Variants in AKR1B15 observed in about 807,000 individuals in gnomAD.
AKR1B15 encodes estradiol 17-beta-dehydrogenase AKR1B15.
AKR1B15 carries 49 observed loss-of-function variants against 38.5 expected under a neutral mutation model. The ratio of observed to expected loss-of-function variants is 1.27; its 90% confidence interval spans 1.01 to 1.62. The LOEUF is 1.62. AKR1B15 is among the 40% of genes most tolerant of loss of function. The probability of loss-of-function intolerance (pLI) is 0.00; values close to 1 mark genes in which losing one functional copy is unlikely to be tolerated. For missense variants in AKR1B15, 411 were observed against 381.6 expected (o/e 1.08, Z -0.64); for synonymous variants, 137 against 135.5 (o/e 1.01, Z -0.08).
At position 134,569,527 on chromosome 7, in the gene AKR1B15, A is replaced by G; in HGVS notation, c.433A>G (p.Lys145Glu). The change falls in exon 5 of 12, where the codon AAG (lysine) becomes GAG (glutamate). Residue 145 changes from lysine (K) to glutamate (E), a missense_variant and splice_region_variant. By Grantham distance (56) the Lys-to-Glu change is moderately conservative. This residue lies in a region of AKR1B15 where 254 missense variants were observed against 212.4 expected (regional missense o/e 1.20). Transcript: ENST00000457545. ...TCTTATTCACTGGCCACAGGGATTC[A>G]AGGTTTGAGTGACTCCCTTTCTCAG... is the stretch of plus-strand genomic sequence containing the variant. ...VYLIHWPQGF[K>E]TGDDFFPKDD... is the part of the protein sequence containing the mutation. The G allele has an allele frequency of 4.3e-6, 7 of 1,613,986 alleles. No individual in the cohort carries two copies. Among genetic ancestry groups the G allele is most frequent in the Non-Finnish European group, 5.9e-6 (7 of 1,179,892 alleles).
In AKR1B15 at chr7:134,565,128, A is replaced by G. The variant is rs532953680; in HGVS notation, c.150+359A>G. 166 of 319,358 alleles carry G rather than the reference A, an allele frequency of 5.2e-4. 3 individuals carry two copies. The South Asian group carries it at 8.4e-3, about 16-fold the overall frequency. The allele number at this position is 319,358 out of a possible 1,614,324, so 19.8% of individuals were successfully genotyped here. On this transcript the variant is annotated intron_variant, in intron 3 of 11. Transcript: ENST00000457545. ...AGCAGCAGCAGGGAACCGCTCAGAT[A>G]CCCTTCCACACCGTGGAAACTTTGT...
chr7:134,565,637 C>T (rs760519507), intron 3 of AKR1B15: 70 of 1,560,916 alleles, frequency 4.5e-5, no homozygotes, highest in Non-Finnish European at 5.5e-5. Flanking sequence ...GCCTGGAGGT[C>T]GGGTAGGGGT....
At chr7:134,565,169 GA>G in intron 3 of AKR1B15, 2 of 350,990 alleles carry the variant, frequency 5.7e-6, no homozygotes, top group Non-Finnish European at 1.1e-5. Flanking sequence ...CCCTCTTGAC[GA>G]AAAATCTTGC....
rs747009279 is a variant in AKR1B15 at position 134,564,756 on chromosome 7, G to C, written c.137G>C (p.Arg46Pro). Residue 46 changes from arginine to proline, a missense_variant, in exon 3 of 12, where the codon CGC becomes CCC. By Grantham distance (103) the Arg-to-Pro change is moderately radical (BLOSUM62 -2). Coordinates refer to ENST00000457545, the MANE Select transcript of AKR1B15 (RefSeq NM_001080538.3). ...ACTACAAGTGCAGGGCCCCTTCTTC[G>C]CCCCTATCCAGCAGTAAGTGGCTAG... is the stretch of plus-strand genomic sequence containing the variant. ...KDTTSAGPLL[R>P]PYPASLLGKV... 3.5e-5 allele frequency: 24 copies of C among 681,628 alleles called. 2 individuals are homozygous for C. In the Middle Eastern group the frequency reaches 1.1e-3, roughly 31 times the overall value. The allele number at this position is 681,628 out of a possible 1,614,324, so 42.2% of individuals were successfully genotyped here. A position where few individuals can be genotyped will look rare whatever the true frequency, so the allele number is the denominator to read the frequency against.
At chr7:134,562,202 G>T (rs556472833) in intron 2 of AKR1B15, among the ~76,000 whole-genome samples, 3 of 152,176 alleles carry the variant, frequency 2.0e-5, no homozygotes, top group Non-Finnish European at 4.4e-5. Flanking sequence ...TGGAGCAGCG[G>T]ACCTTCACAG....
Position 134,568,184 on chromosome 7 carries a change from G to T in AKR1B15, c.177G>T (p.Ala59=), listed in dbSNP as rs185318158. 15 of 1,613,942 alleles carry T rather than the reference G, an allele frequency of 9.3e-6. No homozygotes were observed. The highest frequency in any genetic ancestry group is 1.3e-5 in the Non-Finnish European group (15 of 1,179,986). Residue 59 remains alanine (A), a synonymous_variant, in exon 4 of 12, where the codon GCG becomes GCT. Coordinates refer to ENST00000457545, the MANE Select transcript of AKR1B15 (RefSeq NM_001080538.3). The stretch of plus-strand genomic sequence containing the variant: ...CTCTTCTCGGCAAAGTGAAAGAAGC[G>T]GTGAAGGTGGCCATTGATGCAGAAT... The part of the protein sequence containing the change: ...PASLLGKVKE[A]VKVAIDAEYR...
At chr7:134,575,580 T>C (rs1794751385) in intron 7 of AKR1B15, 38 bp downstream of exon 7, 18 of 1,611,412 alleles carry the variant, frequency 1.1e-5, no homozygotes, top group Non-Finnish European at 1.4e-5. Context: ...GGTCCTGCCC[T>C]ATTACTTCTT....
intron 3 of AKR1B15, chr7:134,565,202 A>C (rs1412954464): frequency 2.4e-6 from 1 of 424,722 alleles, no homozygotes; most frequent in African/African-American, 2.0e-5. Context: ...CTTTGGGTCC[A>C]CACCACCTTT....
chr7:134,557,799 A>C (rs929363140), intron 2 of AKR1B15, among the ~76,000 whole-genome samples: 4 of 152,112 alleles, frequency 2.6e-5, no homozygotes, highest in Non-Finnish European at 4.4e-5. Flanking sequence ...GGCTGAGAGA[A>C]TTTTGAGCTC....
intron 3 of AKR1B15, among the ~76,000 whole-genome samples, chr7:134,567,897 C>T (rs981380744): frequency 2.6e-5 from 4 of 152,124 alleles, no homozygotes; most frequent in African/African-American, 9.7e-5. Flanking sequence ...CTTTTCTAAA[C>T]TGTGTATCCT....
At position 134,555,015 on chromosome 7, in the gene AKR1B15, AG is replaced by A. The variant is rs373201515; in HGVS notation, c.-146-1720del. Among the ~76,000 whole-genome samples the A allele has an allele frequency of 8.3e-3, 1,270 of 152,352 alleles. 6 individuals carry two copies. The highest frequency in any genetic ancestry group is 0.017 in the Middle Eastern group (5 of 294). On this transcript the variant is annotated intron_variant, in intron 1 of 11. Transcript: ENST00000457545. ...CTAGAAACCAGTGAAAACTAGGTAAAGCTCCTTCCTTTAGCCCTTCTTAGAG... is the reference window on the plus strand; with the variant it reads ...CTAGAAACCAGTGAAAACTAGGTAAACTCCTTCCTTTAGCCCTTCTTAGAG...
At chr7:134,561,212 G>GTATT (rs969326598) in intron 2 of AKR1B15, among the ~76,000 whole-genome samples, 2 of 152,202 alleles carry the variant, frequency 1.3e-5, no homozygotes, top group African/African-American at 2.4e-5. Flanking sequence ...AGGCATGCAT[G>GTATT]TATTTATTTA....
intron 6 of AKR1B15, among the ~76,000 whole-genome samples, chr7:134,572,989 G>GT (rs924435182): frequency 2.9e-4 from 44 of 152,276 alleles, no homozygotes; most frequent in African/African-American, 9.4e-4. Flanking sequence ...ATTAAATGTA[G>GT]TTTTTTCTGT....
intron 3 of AKR1B15, among the ~76,000 whole-genome samples, chr7:134,566,181 C>T (rs1794530084): frequency 6.6e-6 from 1 of 152,142 alleles, no homozygotes; most frequent in African/African-American, 2.4e-5. Context: ...GTAGTCCCAG[C>T]CACTTGGGAG....
At chr7:134,552,293 G>A (rs774819014) in intron 1 of AKR1B15, among the ~76,000 whole-genome samples, 4 of 152,048 alleles carry the variant, frequency 2.6e-5, no homozygotes, top group African/African-American at 7.2e-5. Flanking sequence ...ACCACCCTTC[G>A]GTCAGAGGAA....
intron 2 of AKR1B15, among the ~76,000 whole-genome samples, chr7:134,562,838 CTTTCTTTCTTTCTTTCTT>C (rs1794439270): frequency 4.2e-5 from 2 of 47,512 alleles, no homozygotes; most frequent in African/African-American, 2.0e-4. Flanking sequence ...CTTTCTCTTT[CTTTCTTTCTTTCTTTCTT>C]TCTTTCTTTC....
intron 11 of AKR1B15, among the ~76,000 whole-genome samples, chr7:134,578,767 C>T (rs1403597570): frequency 6.6e-6 from 1 of 152,206 alleles, no homozygotes; most frequent in Non-Finnish European, 1.5e-5. Context: ...CTATCCTGCC[C>T]ACCCTCAGTA....
At chr7:134,554,101 G>A (rs983819639) in intron 1 of AKR1B15, among the ~76,000 whole-genome samples, 6 of 152,212 alleles carry the variant, frequency 3.9e-5, no homozygotes, top group Non-Finnish European at 7.3e-5. Context: ...ACCTCAGCAG[G>A]AAAGAGTGTC....
chr7:134,576,996 A>G lies in AKR1B15; in HGVS notation c.859A>G (p.Thr287Ala), dbSNP rs1794779539. The G allele has an allele frequency of 1.2e-6, 2 of 1,613,872 alleles. No homozygotes were observed. Among genetic ancestry groups the G allele is most frequent in the Admixed American group, 1.7e-5 (1 of 60,004 alleles). ...LIRFHIQRNV[T>A]VIPKSMTPAH... Reference sequence around the variant, plus strand: ...CCGTTTCCATATCCAGAGGAATGTGACAGTGATCCCCAAGTCTATGACACC... The same window carrying G: ...CCGTTTCCATATCCAGAGGAATGTGGCAGTGATCCCCAAGTCTATGACACC... The change falls in exon 10 of 12, where the codon ACA becomes GCA. Residue 287 changes from threonine (T) to alanine (A), a missense_variant. Around this residue, in one of 3 missense-constraint regions of AKR1B15, gnomAD observed 133 missense variants for 120.3 expected, o/e 1.11. Transcript: ENST00000457545.
Sources: allele counts gnomAD v4.1 joint callset (sites outside exome capture counted in the v4.1 genomes callset), GRCh38; gene constraint gnomAD v4.1.1; regional missense constraint gnomAD v4.1.1; transcripts MANE v1.5; gene names NCBI Gene and HGNC (gene_info 2026-07-23, HGNC 2026-07-21).